Variants in STIM1 observed in about 807,000 individuals in gnomAD.
STIM1 encodes the protein stromal interaction molecule 1.
A neutral mutation model predicts 74.7 loss-of-function variants in STIM1; 25 were observed. That is an observed-to-expected ratio of 0.33 (90% confidence interval 0.24 to 0.47). The LOEUF (loss-of-function observed/expected upper bound fraction) is 0.47. Ranked by LOEUF, STIM1 falls within the 20% of genes least tolerant of loss-of-function variation. The pLI is 1.00. For synonymous variants in STIM1, 328 were observed against 348.8 expected (o/e 0.94, Z 0.66); for missense variants, 728 against 920.8 (o/e 0.79, Z 2.71).
chr11:3,883,752 T>C (rs1335416237), intron 1 of STIM1, among the ~76,000 whole-genome samples: 1 of 152,246 alleles, frequency 6.6e-6, no homozygotes, highest in Non-Finnish European at 1.5e-5. Flanking sequence ...ATTTAGCATA[T>C]GACCTGACAT....
chr11:4,084,873 C>A, intron 11 of STIM1, 108 bp downstream of exon 11: 2 of 818,698 alleles, frequency 2.4e-6, no homozygotes, highest in South Asian at 1.4e-5. Flanking sequence ...CCTGCCTGCT[C>A]CCTCTATCCC....
intron 3 of STIM1, among the ~76,000 whole-genome samples, chr11:4,049,350 G>A (rs2094219457): frequency 6.8e-6 from 1 of 146,542 alleles, no homozygotes; most frequent in East Asian, 2.0e-4. Context: ...TTTGAGACAG[G>A]CTCTCACTCT....
intron 3 of STIM1, among the ~76,000 whole-genome samples, chr11:4,035,393 A>G (rs1280771890): frequency 6.6e-6 from 1 of 151,980 alleles, no homozygotes; most frequent in East Asian, 1.9e-4. Flanking sequence ...ATAATCTTCA[A>G]TAACTTAGTA....
intron 1 of STIM1, among the ~76,000 whole-genome samples, chr11:3,869,653 A>G (rs1249850227): frequency 6.6e-6 from 1 of 152,218 alleles, no homozygotes; most frequent in African/African-American, 2.4e-5. Context: ...AAAAAGATCA[A>G]GGAGGGCCTA....
At chr11:3,909,182 C>T (rs1267723656) in intron 1 of STIM1, among the ~76,000 whole-genome samples, 1 of 152,098 alleles carries the variant, frequency 6.6e-6, no homozygotes, top group African/African-American at 2.4e-5. Flanking sequence ...ACTGGGGAGG[C>T]CAAGGCCAGA....
At chr11:3,857,054 C>T (rs1430274453) in intron 1 of STIM1, among the ~76,000 whole-genome samples, 1 of 130,920 alleles carries the variant, frequency 7.6e-6, no homozygotes, top group African/African-American at 2.9e-5. Flanking sequence ...TTGACTTATT[C>T]TGTTTCTTCT....
chr11:4,037,521 A>G (rs1010794561), intron 3 of STIM1, among the ~76,000 whole-genome samples: 2 of 152,186 alleles, frequency 1.3e-5, no homozygotes, highest in Non-Finnish European at 2.9e-5. Context: ...CCCCTTCAAC[A>G]TTATGAAATG....
At chr11:4,069,848 CAT>C (rs1320343960) in intron 5 of STIM1, among the ~76,000 whole-genome samples, 176 bp from the exon 6 acceptor site, 2 of 152,184 alleles carry the variant, frequency 1.3e-5, no homozygotes, top group East Asian at 1.9e-4. Context: ...GAGAGATAGA[CAT>C]AGAGCTTACT....
intron 2 of STIM1, chr11:4,019,196 A>T (rs1253050852): frequency 6.6e-6 from 1 of 152,234 alleles, no homozygotes; most frequent in Non-Finnish European, 1.5e-5. Context: ...TAAAATAAAA[A>T]TGAAGAAAAT....
At chr11:4,087,125 CT>C (rs1433154251) in intron 12 of STIM1, among the ~76,000 whole-genome samples, 9 of 152,174 alleles carry the variant, frequency 5.9e-5, no homozygotes, top group African/African-American at 2.2e-4. Context: ...AAACTATGCA[CT>C]TTCACATTAG....
chr11:3,963,918 G>A (rs553567435), intron 1 of STIM1, among the ~76,000 whole-genome samples: 8 of 152,320 alleles, frequency 5.3e-5, no homozygotes, highest in South Asian at 2.1e-4. Context: ...GAAAGTGGCC[G>A]AAGTTAAAAG....
intron 2 of STIM1, among the ~76,000 whole-genome samples, chr11:4,007,655 C>T (rs1000613783): frequency 1.3e-5 from 2 of 152,200 alleles, no homozygotes; most frequent in Non-Finnish European, 2.9e-5. Context: ...CTGTTACTTT[C>T]CTGTCCTTAT....
At chr11:3,939,653 TTAAATAATTTA>T (rs2092980493) in intron 1 of STIM1, among the ~76,000 whole-genome samples, 1 of 152,156 alleles carries the variant, frequency 6.6e-6, no homozygotes, top group South Asian at 2.1e-4. Context: ...TTCAGAGAAG[TTAAATAATTTA>T]CCTGTCCAGA....
rs1399378182 is a variant in STIM1 at position 3,979,510 on chromosome 11, A to G, written c.270+11828A>G. Among the ~76,000 whole-genome samples the G allele has an allele frequency of 3.3e-5, 5 of 152,186 alleles. No homozygotes were observed. In the East Asian group the frequency reaches 9.6e-4, roughly 29 times the overall value. On this transcript the variant is annotated intron_variant, in intron 2 of 12. Transcript: ENST00000526596. ...CTCTAGGCTGGAGTGCAGTGGCACA[A>G]TTATGGCTCACTGTAGCCTTGAGCT...
chr11:3,898,079 G>A (rs1227252822), intron 1 of STIM1, among the ~76,000 whole-genome samples: 11 of 152,164 alleles, frequency 7.2e-5, no homozygotes, highest in Non-Finnish European at 8.8e-5. Context: ...GATCCTTGAG[G>A]AATCGCCACA....
intron 1 of STIM1, among the ~76,000 whole-genome samples, chr11:3,924,265 C>A (rs186518718): frequency 6.8e-6 from 1 of 146,586 alleles, no homozygotes; most frequent in African/African-American, 2.6e-5. Context: ...GTGGCGCAAT[C>A]TCGGCTCACT....
chr11:4,083,695 T>C, intron 10 of STIM1, 197 bp downstream of exon 10: 1 of 626,830 alleles, frequency 1.6e-6, no homozygotes, highest in Non-Finnish European at 2.8e-6. Flanking sequence ...TTCCTTGTTG[T>C]ATGCTCTGTG....
chr11:3,877,024 G>C (rs1474974496), intron 1 of STIM1, among the ~76,000 whole-genome samples: 4 of 152,250 alleles, frequency 2.6e-5, no homozygotes, highest in Non-Finnish European at 5.9e-5. Context: ...AATAGGACTA[G>C]GATTAGCTGG....
At position 3,963,097 on chromosome 11, in the gene STIM1, T is replaced by TA. The variant is rs1324155517; in HGVS notation, c.140-4455_140-4454insA. Among the ~76,000 whole-genome samples the TA allele has an allele frequency of 2.0e-5, 3 of 152,328 alleles. No individual in the cohort carries two copies. In the East Asian group the frequency reaches 5.8e-4, roughly 29 times the overall value. On this transcript the variant is annotated intron_variant, in intron 1 of 12. Transcript: ENST00000526596. Reference sequence around the variant, plus strand: ...AATGTAGGTAATTAAATTTTAACTTTTATTTTGAGTTTAGGGATACAAGTA... The same window carrying TA: ...AATGTAGGTAATTAAATTTTAACTTTATATTTTGAGTTTAGGGATACAAGTA...
Sources: gnomAD v4.1 joint callset for allele counts (sites outside exome capture counted in the v4.1 genomes callset) on GRCh38, gnomAD v4.1.1 for gene constraint, MANE v1.5 for transcripts, NCBI Gene and HGNC (gene_info 2026-07-23, HGNC 2026-07-21) for gene names.